The following CSE1L variants were observed in gnomAD, a reference collection of about 807,000 sequenced individuals.
The protein encoded by CSE1L is exportin-2.
In CSE1L, 24 loss-of-function variants were observed where a neutral mutation model predicts 120.4. The observed-to-expected ratio is 0.20, with a 90% CI of 0.14 to 0.28. CSE1L has a LOEUF of 0.28. Ranked by LOEUF, CSE1L falls within the 10% of genes least tolerant of loss-of-function variation. CSE1L has a pLI of 1.00. For missense variants in CSE1L, 830 were observed against 1,145.2 expected (o/e 0.72, Z 3.97); for synonymous variants, 402 against 398.3 (o/e 1.01, Z -0.11).
chr20:49,050,912 ACAGT>A (rs2091762101), intron 1 of CSE1L, among the ~76,000 whole-genome samples: 1 of 152,196 alleles, frequency 6.6e-6, no homozygotes, highest in South Asian at 2.1e-4. Context: ...TCTGTTTGAC[ACAGT>A]CAACCAACCA....
intron 3 of CSE1L, 137 bp from the exon 4 acceptor site, chr20:49,066,055 C>T: frequency 1.4e-6 from 1 of 700,294 alleles, no homozygotes; most frequent in Non-Finnish European, 2.4e-6. Flanking sequence ...TAGAGGGAAA[C>T]TGAAGAAAGA....
rs1198310129 is a variant in CSE1L at position 49,089,765 on chromosome 20, T to C, written c.2181+19T>C. 4.4e-6 allele frequency: 7 copies of C among 1,607,654 alleles called. No individual in the cohort carries two copies. The highest frequency in any genetic ancestry group is 1.3e-5 in the African/African-American group (1 of 74,790). The stretch of plus-strand genomic sequence containing the variant: ...CAAAATTGTGCGTCAGGTTTTGATA[T>C]AACTGTAATTTTATAAAGTAGCTTG... On this transcript the variant is annotated intron_variant, in intron 19 of 24. Coordinates refer to ENST00000262982, the MANE Select transcript of CSE1L (RefSeq NM_001316.4).
chr20:49,085,589 T>TTTTTTTG lies in CSE1L; in HGVS notation c.1723+203_1723+204insTTTTTTG, dbSNP rs11474758. The stretch of plus-strand genomic sequence containing the variant: ...TTTTTTTTTTTTTTTTTTTTTTTTT[T>TTTTTTTG]GAGATGGAGCCTTGCTCTGTTGCCC... On this transcript the variant is annotated intron_variant, in intron 16 of 24. Transcript: ENST00000262982. Among the ~76,000 whole-genome samples, 174 of 138,748 alleles carry TTTTTTTG rather than the reference T, an allele frequency of 1.3e-3. 6 individuals carry two copies. Among genetic ancestry groups the TTTTTTTG allele is most frequent in the South Asian group, 3.1e-3 (13 of 4,196 alleles). The allele number at this position is 138,748 out of a possible 152,430, so 91.0% of individuals were successfully genotyped here. A position where few individuals can be genotyped will look rare whatever the true frequency, so the allele number is the denominator to read the frequency against.
At chr20:49,063,504 T>C (rs542485836) in intron 3 of CSE1L, among the ~76,000 whole-genome samples, 160 bp downstream of exon 3, 1 of 152,174 alleles carries the variant, frequency 6.6e-6, no homozygotes, top group South Asian at 2.1e-4. Context: ...TGCAGTGAGC[T>C]ATGATTGCAC....
chr20:49,059,848 C>A (rs1257705848), intron 2 of CSE1L, among the ~76,000 whole-genome samples: 1 of 151,852 alleles, frequency 6.6e-6, no homozygotes, highest in East Asian at 1.9e-4. Context: ...CCACTGCACT[C>A]CAGCCTGGGT....
At chr20:49,074,749 T>C in intron 10 of CSE1L, 36 bp from the exon 11 acceptor site, 3 of 1,575,850 alleles carry the variant, frequency 1.9e-6, no homozygotes, top group Non-Finnish European at 2.6e-6. Context: ...GTGACGTCTT[T>C]TGGAGTGTTA....
chr20:49,054,439 G>C (rs1188137491), intron 1 of CSE1L, among the ~76,000 whole-genome samples: 1 of 152,080 alleles, frequency 6.6e-6, no homozygotes, highest in African/African-American at 2.4e-5. Context: ...TTTCACTCTT[G>C]GTCAGCCGTC....
At chr20:49,088,150 T>C in intron 17 of CSE1L, 44 bp downstream of exon 17, 1 of 1,348,668 alleles carries the variant, frequency 7.4e-7, no homozygotes, top group Non-Finnish European at 1.1e-6. Context: ...TTTTATTTGC[T>C]CCAAACTGTT....
intron 19 of CSE1L, among the ~76,000 whole-genome samples, chr20:49,090,267 C>T (rs1053652731): frequency 6.6e-6 from 1 of 152,102 alleles, no homozygotes; most frequent in Non-Finnish European, 1.5e-5. Flanking sequence ...ATTTTAAGAA[C>T]TTAACTTTGG....
intron 7 of CSE1L, 75 bp from the exon 8 acceptor site, chr20:49,070,130 C>T (rs920098666): frequency 1.4e-4 from 93 of 686,408 alleles, no homozygotes; most frequent in African/African-American, 1.1e-3. Flanking sequence ...GTTTTGTCCA[C>T]GTGGTAAGGG....
chr20:49,047,327 A>G (rs577000122), intron 1 of CSE1L, among the ~76,000 whole-genome samples: 9 of 152,130 alleles, frequency 5.9e-5, no homozygotes, highest in Admixed American at 1.3e-4. Context: ...GTTCCCTGGG[A>G]GCTGACGGTT....
intron 6 of CSE1L, among the ~76,000 whole-genome samples, 161 bp from the exon 7 acceptor site, chr20:49,068,554 G>T (rs1403884204): frequency 6.6e-6 from 1 of 152,186 alleles, no homozygotes; most frequent in Non-Finnish European, 1.5e-5. Context: ...AGCCGAGATT[G>T]TGCCACTGCG....
intron 16 of CSE1L, among the ~76,000 whole-genome samples, chr20:49,086,042 C>T (rs970404629): frequency 3.3e-5 from 5 of 152,124 alleles, no homozygotes; most frequent in African/African-American, 1.2e-4. Flanking sequence ...CTGCACAAAT[C>T]GTGTCTTCTT....
intron 2 of CSE1L, among the ~76,000 whole-genome samples, chr20:49,059,864 A>G (rs2091838323): frequency 6.6e-6 from 1 of 151,778 alleles, no homozygotes; most frequent in Non-Finnish European, 1.5e-5. Context: ...TGGGTGACAG[A>G]GCGAGACGTA....
intron 10 of CSE1L, 78 bp from the exon 11 acceptor site, chr20:49,074,707 A>C (rs2091957725): frequency 8.3e-7 from 1 of 1,206,246 alleles, no homozygotes; most frequent in Non-Finnish European, 1.2e-6. Context: ...GCAGTTTTAC[A>C]TACTCTTCTG....
At chr20:49,074,763 G>T in intron 10 of CSE1L, 22 bp from the exon 11 acceptor site, 1 of 1,603,706 alleles carries the variant, frequency 6.2e-7, no homozygotes. Flanking sequence ...AGTGTTATCT[G>T]AAATATCATC....
chr20:49,078,780 C>G (rs1379435627), intron 14 of CSE1L, among the ~76,000 whole-genome samples, 158 bp downstream of exon 14: 3 of 152,114 alleles, frequency 2.0e-5, no homozygotes, highest in South Asian at 2.1e-4. Context: ...CTTAATTTTC[C>G]TCAGATGTCT....
chr20:49,078,945 G>A (rs1404173963), intron 14 of CSE1L, among the ~76,000 whole-genome samples: 2 of 152,194 alleles, frequency 1.3e-5, no homozygotes, highest in African/African-American at 4.8e-5. Flanking sequence ...AAGCTGGAGT[G>A]CAGTGGCACC....
chr20:49,070,524 A>G (rs1318007014), intron 8 of CSE1L, among the ~76,000 whole-genome samples: 10 of 152,244 alleles, frequency 6.6e-5, no homozygotes, highest in African/African-American at 2.4e-4. Context: ...GTTTCATTAC[A>G]TTATTGAAAG....
Sources: gnomAD v4.1 joint callset for allele counts (sites outside exome capture counted in the v4.1 genomes callset) on GRCh38, gnomAD v4.1.1 for gene constraint, MANE v1.5 for transcripts, NCBI Gene and HGNC (gene_info 2026-07-23, HGNC 2026-07-21) for gene names.